The following CELF4 variants were observed in gnomAD, a reference collection of about 807,000 sequenced individuals.
The protein encoded by CELF4 is CUGBP Elav-like family member 4.
A neutral mutation model predicts 59.9 loss-of-function variants in CELF4; 18 were observed. That is an observed-to-expected ratio of 0.30 (90% CI 0.21 to 0.45). The LOEUF (loss-of-function observed/expected upper bound fraction) is 0.45. Among genes scored for constraint, CELF4 ranks in the 20% least tolerant of loss-of-function variants. CELF4 has a pLI of 1.00. For missense variants in CELF4, 456 were observed against 689.0 expected (o/e 0.66, Z 3.79); for synonymous variants, 261 against 267.1 (o/e 0.98, Z 0.22).
At chr18:37,494,323 A>C (rs561555830) in intron 1 of CELF4, among the ~76,000 whole-genome samples, 54 of 152,252 alleles carry the variant, frequency 3.5e-4, no homozygotes, top group African/African-American at 1.1e-3. Flanking sequence ...TCCTCCATCT[A>C]TGGTCAGGGC....
At chr18:37,496,540 TAA>T (rs1159645799) in intron 1 of CELF4, among the ~76,000 whole-genome samples, 2 of 152,142 alleles carry the variant, frequency 1.3e-5, no homozygotes, top group Admixed American at 1.3e-4. Flanking sequence ...AAATTTTTTT[TAA>T]AAAAGAAGCA....
intron 2 of CELF4, among the ~76,000 whole-genome samples, chr18:37,435,405 G>A (rs2099688141): frequency 6.6e-6 from 1 of 152,138 alleles, no homozygotes; most frequent in Non-Finnish European, 1.5e-5. Flanking sequence ...CTGCCCTGCT[G>A]TCAATGGTTC....
At chr18:37,445,256 T>C (rs886809242) in intron 2 of CELF4, among the ~76,000 whole-genome samples, 7 of 152,062 alleles carry the variant, frequency 4.6e-5, no homozygotes, top group Non-Finnish European at 7.4e-5. Flanking sequence ...GAGGGGCCAG[T>C]CTGAGCCCTT....
intron 1 of CELF4, among the ~76,000 whole-genome samples, chr18:37,546,222 CCA>C (rs951683998): frequency 4.6e-5 from 7 of 152,250 alleles, no homozygotes; most frequent in African/African-American, 1.4e-4. Flanking sequence ...CCGTCGCAGC[CCA>C]CACACACTTG....
chr18:37,336,144 C>T (rs1218710223), intron 2 of CELF4, among the ~76,000 whole-genome samples: 1 of 152,210 alleles, frequency 6.6e-6, no homozygotes, highest in Non-Finnish European at 1.5e-5. Flanking sequence ...GCCCCACAGC[C>T]AGCCCCAGGA....
intron 2 of CELF4, among the ~76,000 whole-genome samples, chr18:37,415,269 T>C (rs11875702): frequency 0.27 from 41,055 of 152,106 alleles, 5,860 homozygotes; most frequent in Non-Finnish European, 0.31. Flanking sequence ...GTTTAGAGAA[T>C]AGTGAACCTG....
chr18:37,359,794 ACCT>A (rs764057383), intron 2 of CELF4, among the ~76,000 whole-genome samples: 20 of 151,378 alleles, frequency 1.3e-4, no homozygotes, highest in Non-Finnish European at 2.4e-4. Context: ...TGGTCCGCCC[ACCT>A]CAGCCTCCTA....
At chr18:37,404,806 C>T (rs2099364292) in intron 2 of CELF4, among the ~76,000 whole-genome samples, 2 of 152,204 alleles carry the variant, frequency 1.3e-5, no homozygotes, top group African/African-American at 4.8e-5. Flanking sequence ...CTTCTAGCAT[C>T]TTCCTTGTTA....
At chr18:37,367,662 A>AGGTCG in intron 2 of CELF4, among the ~76,000 whole-genome samples, 2 of 150,844 alleles carry the variant, frequency 1.3e-5, no homozygotes, top group South Asian at 4.2e-4. Flanking sequence ...AATGCAAATC[A>AGGTCG]GGTCGGGGAG....
rs145018036 is a variant in CELF4, at chr18:37,454,572, C to T, written c.369+30953G>A. On this transcript the variant is annotated intron_variant, in intron 2 of 12. Transcript: ENST00000420428. ...GTGTTCACCCACAGCTTTGTTCACA[C>T]CCCCGCAATAAGCAAGGTATTCAGG... Among the ~76,000 whole-genome samples the T allele has an allele frequency of 9.2e-5, 14 of 152,246 alleles. No individual in the cohort carries two copies. The East Asian group carries it at 2.7e-3, about 29-fold the overall frequency.
intron 8 of CELF4, among the ~76,000 whole-genome samples, chr18:37,269,187 C>G (rs2089915790): frequency 6.6e-6 from 1 of 152,086 alleles, no homozygotes; most frequent in South Asian, 2.1e-4. Context: ...TGCCACCCTA[C>G]CAGCTTGGGG....
rs376129180 is a variant in CELF4, at chr18:37,426,917, C to T, written c.369+58608G>A. Reference sequence around the variant, plus strand: ...CTCTCCCGAAAAGCGATACCAATGACTTGCAGAGACTTTAATCCCAATCAC... The same window carrying T: ...CTCTCCCGAAAAGCGATACCAATGATTTGCAGAGACTTTAATCCCAATCAC... On this transcript the variant is annotated intron_variant, in intron 2 of 12. Coordinates refer to ENST00000420428, the MANE Select transcript of CELF4 (RefSeq NM_020180.4). 2.1e-4 allele frequency among the ~76,000 whole-genome samples: 32 copies of T among 149,006 alleles called. 1 individual carries two copies. In the South Asian group the frequency reaches 3.2e-3, roughly 15 times the overall value.
At chr18:37,318,378 C>T (rs1253658969) in intron 3 of CELF4, among the ~76,000 whole-genome samples, 1 of 152,002 alleles carries the variant, frequency 6.6e-6, no homozygotes, top group East Asian at 1.9e-4. Flanking sequence ...CCACCTCCTC[C>T]ACCCCTCTCC....
At chr18:37,367,593 A>G (rs2098801385) in intron 2 of CELF4, among the ~76,000 whole-genome samples, 1 of 152,044 alleles carries the variant, frequency 6.6e-6, no homozygotes, top group African/African-American at 2.4e-5. Context: ...CGGAAGGTGC[A>G]ATGTGCAGGA....
chr18:37,478,012 C>T (rs781621351), intron 2 of CELF4, among the ~76,000 whole-genome samples: 1 of 152,150 alleles, frequency 6.6e-6, no homozygotes, highest in Non-Finnish European at 1.5e-5. Flanking sequence ...GGCTGCTCTG[C>T]GTCAGGGAGA....
intron 7 of CELF4, among the ~76,000 whole-genome samples, chr18:37,272,680 A>G (rs756161376): frequency 6.6e-6 from 1 of 151,670 alleles, no homozygotes; most frequent in Non-Finnish European, 1.5e-5. Context: ...CATCATAGAC[A>G]CCACAGGGAG....
At chr18:37,550,083 T>TGG (rs58341354) in intron 1 of CELF4, among the ~76,000 whole-genome samples, 13,445 of 63,798 alleles carry the variant, frequency 0.21, 905 homozygotes, top group Middle Eastern at 0.3. Flanking sequence ...GTCCAATGGG[T>TGG]GGGGGGGGGG....
intron 2 of CELF4, among the ~76,000 whole-genome samples, chr18:37,444,619 C>T (rs966227836): frequency 6.9e-5 from 4 of 57,734 alleles, no homozygotes; most frequent in Non-Finnish European, 1.3e-4. Flanking sequence ...AGCATGCATA[C>T]ACACACACAC....
chr18:37,332,042 T>G (rs898161547), intron 2 of CELF4, among the ~76,000 whole-genome samples: 2 of 151,940 alleles, frequency 1.3e-5, no homozygotes, highest in African/African-American at 4.8e-5. Flanking sequence ...AAGTCAGAGG[T>G]GACTGGACAG....
Sources: allele counts gnomAD v4.1 joint callset (sites outside exome capture counted in the v4.1 genomes callset), GRCh38; gene constraint gnomAD v4.1.1; transcripts MANE v1.5; gene names NCBI Gene and HGNC (gene_info 2026-07-23, HGNC 2026-07-21).